The following PCDHA10 variants were observed in gnomAD, a reference collection of about 807,000 sequenced individuals.
PCDHA10 encodes protocadherin alpha-10.
Under a neutral mutation model 61.2 loss-of-function variants are expected in PCDHA10, and 45 were observed. The ratio of observed to expected loss-of-function variants is 0.74; its 90% CI spans 0.58 to 0.94. The LOEUF is 0.94. PCDHA10 is among the 40% of genes least tolerant of loss of function. The pLI is 0.00. For synonymous variants in PCDHA10, 602 were observed against 548.8 expected, an observed-to-expected ratio of 1.10 and a Z score of -1.35; for missense variants, 1,278 against 1,236.2, an observed-to-expected ratio of 1.03 and a Z score of -0.51.
At position 140,909,867 on chromosome 5, in the gene PCDHA10, C is replaced by T. The variant is rs544055697; in HGVS notation, c.2388+51431C>T. Among the ~76,000 whole-genome samples the T allele has an allele frequency of 2.8e-4, 43 of 152,282 alleles. 1 individual carries two copies. The highest frequency in any genetic ancestry group is 4.9e-4 in the Non-Finnish European group (33 of 68,020). On this transcript the variant is annotated intron_variant, in intron 1 of 3. Coordinates refer to ENST00000307360, the MANE Select transcript of PCDHA10 (RefSeq NM_018901.4). ...GACGTTTTCGGTCCCCTGGAGTCAA[C>T]GTCAGCTTAGAGACACTGTTCAGTA...
At chr5:140,985,154 G>T (rs2097139142) in intron 3 of PCDHA10, among the ~76,000 whole-genome samples, 1 of 152,086 alleles carries the variant, frequency 6.6e-6, no homozygotes, top group South Asian at 2.1e-4. Flanking sequence ...AGCCAGGATT[G>T]TCTCAATCTC....
chr5:140,858,362 C>A lies in PCDHA10; in HGVS notation c.2314C>A (p.Pro772Thr). The A allele has an allele frequency of 6.3e-7, 1 of 1,591,614 alleles. No individual in the cohort carries two copies. Among genetic ancestry groups the A allele is most frequent in the Non-Finnish European group, 8.6e-7 (1 of 1,163,614 alleles). Residue 772 changes from proline (P) to threonine (T), a missense_variant, in exon 1 of 4, where the codon CCC (proline) becomes ACC (threonine). Coordinates refer to ENST00000307360, the MANE Select transcript of PCDHA10 (RefSeq NM_018901.4). ...LPKADLMAFS[P>T]SLPPCPMVDV... ...CAAGGCGGACCTCATGGCCTTCAGC[C>A]CCAGCCTTCCACCATGCCCAATGGT...
At chr5:140,957,194 G>A (rs2095341106) in intron 1 of PCDHA10, among the ~76,000 whole-genome samples, 1 of 152,012 alleles carries the variant, frequency 6.6e-6, no homozygotes, top group Non-Finnish European at 1.5e-5. Context: ...TGACCGATTG[G>A]GAATATAAAT....
At chr5:140,877,500 A>G (rs781878840) in intron 1 of PCDHA10, 80 of 1,613,694 alleles carry the variant, frequency 5.0e-5, no homozygotes, top group Non-Finnish European at 6.6e-5. Flanking sequence ...GCCAGGCCCC[A>G]AAGACGTCGT....
chr5:140,970,854 T>TC (rs112843531), intron 1 of PCDHA10, among the ~76,000 whole-genome samples: 13,960 of 152,238 alleles, frequency 0.092, 852 homozygotes, highest in African/African-American at 0.17. Context: ...GCACAAAAGT[T>TC]CCATTCCTGA....
intron 1 of PCDHA10, among the ~76,000 whole-genome samples, chr5:140,897,219 C>T (rs1169975962): frequency 1.1e-4 from 17 of 152,004 alleles, no homozygotes; most frequent in Admixed American, 1.1e-3. Flanking sequence ...TTTTAGGGTA[C>T]ATGTGCACAA....
At chr5:140,980,615 C>T (rs1182621837) in intron 2 of PCDHA10, among the ~76,000 whole-genome samples, 4 of 151,596 alleles carry the variant, frequency 2.6e-5, no homozygotes, top group Admixed American at 6.6e-5. Flanking sequence ...GGCGACAGTG[C>T]GAGACTCTGT....
In PCDHA10 at chr5:140,869,324, T is replaced by C. The variant is rs1581884799; in HGVS notation, c.2388+10888T>C. 1.9e-6 allele frequency: 3 copies of C among 1,613,876 alleles called. No individual in the cohort carries two copies. In the East Asian group the frequency reaches 6.7e-5, roughly 36 times the overall value. On this transcript the variant is annotated intron_variant, in intron 1 of 3. Coordinates refer to ENST00000307360, the MANE Select transcript of PCDHA10 (RefSeq NM_018901.4). Reference sequence around the variant, plus strand: ...GTGGCGTCCAAAACACATGGGGACCTTCTGGAGGTAAATCTGCAGAATGGC... The same window carrying C: ...GTGGCGTCCAAAACACATGGGGACCCTCTGGAGGTAAATCTGCAGAATGGC...
intron 1 of PCDHA10, chr5:140,883,444 T>C: frequency 3.1e-6 from 5 of 1,614,170 alleles, no homozygotes; most frequent in Non-Finnish European, 4.2e-6. Context: ...TGACGCCGCA[T>C]GTCCCCTTCA....
chr5:140,907,812 C>T (rs888159954), intron 1 of PCDHA10, among the ~76,000 whole-genome samples: 17 of 152,192 alleles, frequency 1.1e-4, no homozygotes, highest in Admixed American at 2.6e-4. Flanking sequence ...GTCCACAGAA[C>T]GAGTCATCCT....
chr5:140,901,286 C>T (rs1681382612), intron 1 of PCDHA10, among the ~76,000 whole-genome samples: 1 of 151,988 alleles, frequency 6.6e-6, no homozygotes. Flanking sequence ...AAATTTTTGC[C>T]CAGACTGATG....
chr5:140,987,790 A>AT (rs1409478213), intron 3 of PCDHA10, among the ~76,000 whole-genome samples: 3 of 152,100 alleles, frequency 2.0e-5, no homozygotes, highest in Admixed American at 6.6e-5. Context: ...TATAGAGAAG[A>AT]TTTTTTTAAA....
At chr5:140,883,615 C>A in intron 1 of PCDHA10, 2 of 1,613,938 alleles carry the variant, frequency 1.2e-6, no homozygotes, top group East Asian at 2.2e-5. Flanking sequence ...CCGACGTGAA[C>A]GACAACGCGC....
At chr5:140,967,872 A>C (rs2096192784) in intron 1 of PCDHA10, 2 of 1,614,034 alleles carry the variant, frequency 1.2e-6, no homozygotes, top group Non-Finnish European at 1.7e-6. Context: ...GTGCTCACGG[A>C]CCTGTATAGC....
chr5:140,871,017 G>C, intron 1 of PCDHA10: 2 of 1,613,298 alleles, frequency 1.2e-6, no homozygotes, highest in Non-Finnish European at 8.5e-7. Flanking sequence ...CCCTGGACGA[G>C]GCAGACTCGC....
At chr5:140,947,153 C>T (rs1306730368) in intron 1 of PCDHA10, among the ~76,000 whole-genome samples, 4 of 150,836 alleles carry the variant, frequency 2.7e-5, no homozygotes, top group African/African-American at 4.9e-5. Context: ...GTTACTTCCA[C>T]GGGGTAGAAA....
At chr5:140,867,347 T>C (rs1465501574) in intron 1 of PCDHA10, 1 of 152,144 alleles carries the variant, frequency 6.6e-6, no homozygotes, top group Non-Finnish European at 1.5e-5. Context: ...GAGGCTACTA[T>C]GATTGATTAT....
In PCDHA10 at chr5:140,900,301, C is replaced by CAG. The variant is rs1168626144; in HGVS notation, c.2388+41866_2388+41867dup. Among the ~76,000 whole-genome samples the CAG allele has an allele frequency of 1.4e-4, 22 of 152,156 alleles. No homozygotes were observed. The East Asian group carries it at 4.1e-3, about 28-fold the overall frequency. On this transcript the variant is annotated intron_variant, in intron 1 of 3. Coordinates refer to ENST00000307360, the MANE Select transcript of PCDHA10 (RefSeq NM_018901.4). ...ACACTTTCTTTTCTGTTTTTTTAGACAGTCTCACTTTTGTCGCCCAGGCTG... is the reference window on the plus strand; with the variant it reads ...ACACTTTCTTTTCTGTTTTTTTAGACAGAGTCTCACTTTTGTCGCCCAGGCTG...
At position 140,926,799 on chromosome 5, in the gene PCDHA10, T is replaced by G. The variant is rs561004739; in HGVS notation, c.2389-52150T>G. Reference sequence around the variant, plus strand: ...AGTGACGGCCGGCAGGAGCGTGCTCTTCCCCGCGGCTCGTGCTCTCCAGGA... The same window carrying G: ...AGTGACGGCCGGCAGGAGCGTGCTCGTCCCCGCGGCTCGTGCTCTCCAGGA... On this transcript the variant is annotated intron_variant, in intron 1 of 3. Transcript: ENST00000307360. The G allele has an allele frequency of 1.6e-4, 230 of 1,456,322 alleles. 2 individuals carry two copies. The African/African-American group carries it at 2.6e-3, about 16-fold the overall frequency. The allele number at this position is 1,456,322 out of a possible 1,614,324, so 90.2% of individuals were successfully genotyped here.
Sources: gnomAD v4.1 joint callset for allele counts (sites outside exome capture counted in the v4.1 genomes callset) on GRCh38, gnomAD v4.1.1 for gene constraint, MANE v1.5 for transcripts, NCBI Gene and HGNC (gene_info 2026-07-23, HGNC 2026-07-21) for gene names.